The following WWOX variants were observed in gnomAD, a reference collection of about 807,000 sequenced individuals.
WWOX encodes WW domain-containing oxidoreductase.
WWOX carries 69 observed loss-of-function variants against 46.2 expected under a neutral mutation model. That is an observed-to-expected ratio of 1.49 (90% CI 1.23 to 1.82). The LOEUF is 1.82. Ranked by LOEUF, WWOX falls within the 40% of genes most tolerant of loss-of-function variation. WWOX has a pLI of 0.00. For synonymous variants in WWOX, 359 were observed against 202.6 expected (o/e 1.77, Z -6.56); for missense variants, 919 against 542.6 (o/e 1.69, Z -6.89).
At chr16:78,847,654 G>C (rs1449841037) in intron 8 of WWOX, among the ~76,000 whole-genome samples, 3 of 151,622 alleles carry the variant, frequency 2.0e-5, no homozygotes, top group Non-Finnish European at 2.9e-5. Flanking sequence ...TCATTATTCT[G>C]AGCTTTCTTT....
At chr16:78,580,568 A>G (rs1179808399) in intron 8 of WWOX, among the ~76,000 whole-genome samples, 1 of 152,236 alleles carries the variant, frequency 6.6e-6, no homozygotes, top group African/African-American at 2.4e-5. Context: ...AAGACACAGA[A>G]AGGATTTCTT....
chr16:78,246,704 C>A (rs1400797747), intron 5 of WWOX, among the ~76,000 whole-genome samples: 7 of 152,202 alleles, frequency 4.6e-5, no homozygotes, highest in Non-Finnish European at 1.0e-4. Context: ...ATATTTTCAA[C>A]TTCCTCTTCT....
intron 8 of WWOX, among the ~76,000 whole-genome samples, chr16:78,827,644 C>G (rs2051696460): frequency 6.6e-6 from 1 of 150,558 alleles, no homozygotes; most frequent in East Asian, 2.0e-4. Context: ...ACCAGCCTGG[C>G]CAACATGGTG....
chr16:78,464,278 G>C (rs1597121542), intron 8 of WWOX, among the ~76,000 whole-genome samples: 1 of 151,696 alleles, frequency 6.6e-6, no homozygotes, highest in East Asian at 1.9e-4. Context: ...GGGAGATGGA[G>C]GGAGGCAAAA....
intron 8 of WWOX, among the ~76,000 whole-genome samples, chr16:78,758,598 G>A (rs930950077): frequency 1.3e-5 from 2 of 152,122 alleles, no homozygotes; most frequent in South Asian, 4.1e-4. Flanking sequence ...ACTATCAACC[G>A]TGGATGGTTT....
At chr16:78,481,991 A>G (rs1267917326) in intron 8 of WWOX, among the ~76,000 whole-genome samples, 1 of 152,002 alleles carries the variant, frequency 6.6e-6, no homozygotes. Context: ...TGCATTTCTG[A>G]TAGGTTTTGC....
intron 5 of WWOX, among the ~76,000 whole-genome samples, chr16:78,254,502 G>GTTTTTTTTTTTTTTTTTTTTTTTTT (rs59706959): frequency 2.2e-5 from 2 of 91,646 alleles, no homozygotes; most frequent in Non-Finnish European, 3.8e-5. Flanking sequence ...TTTCTTTCTT[G>GTTTTTTTTTTTTTTTTTTTTTTTTT]TTTTTTTTTT....
In WWOX at chr16:78,978,142, T is replaced by C. The variant is rs189809902; in HGVS notation, c.1057-233466T>C. ...ATACAATAGCATCATGTGTTCAAGG[T>C]TGACCCACATTGTGGCATGTATCAG... On this transcript the variant is annotated intron_variant, in intron 8 of 8. Transcript: ENST00000566780. Among the ~76,000 whole-genome samples, 127 of 152,338 alleles carry C rather than the reference T, an allele frequency of 8.3e-4. 1 individual carries two copies. The highest frequency in any genetic ancestry group is 3.4e-3 in the Middle Eastern group (1 of 294).
intron 8 of WWOX, among the ~76,000 whole-genome samples, chr16:79,066,535 G>C (rs1420494924): frequency 6.6e-6 from 1 of 152,164 alleles, no homozygotes; most frequent in Non-Finnish European, 1.5e-5. Context: ...GAAGGAAGGA[G>C]GGAATAATTT....
At chr16:78,827,581 C>A (rs998506178) in intron 8 of WWOX, among the ~76,000 whole-genome samples, 1 of 152,022 alleles carries the variant, frequency 6.6e-6, no homozygotes, top group Non-Finnish European at 1.5e-5. Context: ...GCCTGTAATC[C>A]CAGCACTTTG....
intron 8 of WWOX, among the ~76,000 whole-genome samples, chr16:78,854,068 C>G (rs1047373158): frequency 6.6e-6 from 1 of 152,104 alleles, no homozygotes; most frequent in Non-Finnish European, 1.5e-5. Flanking sequence ...TGCTATATTT[C>G]TTTCTATATT....
At chr16:78,780,769 G>T (rs757943269) in intron 8 of WWOX, among the ~76,000 whole-genome samples, 4 of 152,174 alleles carry the variant, frequency 2.6e-5, no homozygotes, top group South Asian at 2.1e-4. Context: ...CAAGAAAGGG[G>T]CCCGTATGGC....
chr16:78,421,614 C>T (rs1404825367), intron 6 of WWOX, among the ~76,000 whole-genome samples: 2 of 152,142 alleles, frequency 1.3e-5, no homozygotes, highest in African/African-American at 2.4e-5. Context: ...AGATTCCTAC[C>T]ATTCAACCCA....
chr16:78,364,756 C>G (rs1156884114), intron 5 of WWOX, among the ~76,000 whole-genome samples: 2 of 152,176 alleles, frequency 1.3e-5, no homozygotes, highest in Non-Finnish European at 2.9e-5. Context: ...TAATGTGCTA[C>G]CCTGTGTATG....
chr16:78,800,054 C>T (rs2050846057), intron 8 of WWOX, among the ~76,000 whole-genome samples: 1 of 152,148 alleles, frequency 6.6e-6, no homozygotes. Context: ...TGGGTTTCAT[C>T]AAGCACATTG....
chr16:78,614,368 T>C (rs1232672073), intron 8 of WWOX, among the ~76,000 whole-genome samples: 1 of 152,250 alleles, frequency 6.6e-6, no homozygotes, highest in African/African-American at 2.4e-5. Flanking sequence ...ATCATGCTTA[T>C]CATATCTTCA....
At chr16:78,847,559 C>A (rs547192846) in intron 8 of WWOX, among the ~76,000 whole-genome samples, 1 of 152,078 alleles carries the variant, frequency 6.6e-6, no homozygotes, top group South Asian at 2.1e-4. Context: ...GTCTCAAAGT[C>A]CTGGGCTCAA....
intron 8 of WWOX, among the ~76,000 whole-genome samples, chr16:78,757,274 A>G (rs541732490): frequency 3.9e-4 from 60 of 152,336 alleles, no homozygotes; most frequent in Non-Finnish European, 8.4e-4. Flanking sequence ...TAAACCATTA[A>G]CTGTTCAGCA....
At chr16:78,167,518 G>T (rs920731114) in intron 5 of WWOX, 1 of 152,144 alleles carries the variant, frequency 6.6e-6, no homozygotes, top group South Asian at 2.1e-4. Context: ...AAAGGAAAAT[G>T]GAACAGAAAC....
Sources: allele counts gnomAD v4.1 joint callset (sites outside exome capture counted in the v4.1 genomes callset), GRCh38; gene constraint gnomAD v4.1.1; transcripts MANE v1.5; gene names NCBI Gene and HGNC (gene_info 2026-07-23, HGNC 2026-07-21).